Variants in CACNA1H observed in about 807,000 individuals in gnomAD.
CACNA1H encodes the protein voltage-dependent T-type calcium channel subunit alpha-1H.
Under a neutral mutation model 192.5 loss-of-function variants are expected in CACNA1H, and 149 were observed. That is an observed-to-expected ratio of 0.77 (90% CI 0.68 to 0.89). The LOEUF (loss-of-function observed/expected upper bound fraction) is 0.89. CACNA1H is among the 40% of genes least tolerant of loss of function. The pLI is 0.00. For missense variants in CACNA1H, 4,257 were observed against 3,423.5 expected, an observed-to-expected ratio of 1.24 and a Z score of -6.08; for synonymous variants, 2,202 against 1,475.2, an observed-to-expected ratio of 1.49 and a Z score of -11.29.
rs768478489 is a variant in CACNA1H at position 1,212,113 on chromosome 16, G to A, written c.4734G>A (p.Leu1578=). The change falls in exon 25 of 35, where the codon CTG becomes CTA. Residue 1578 remains leucine, a synonymous_variant. Coordinates refer to ENST00000348261, the MANE Select transcript of CACNA1H (RefSeq NM_021098.3). The part of the protein sequence containing the change: ...EEARRREEKR[L]RRLERRRRST... ...CGCGGCGGCGAGAGGAGAAGCGGCT[G>A]CGGCGCCTAGAGAGGAGGCGCAGGA... is the stretch of plus-strand genomic sequence containing the variant. 6.2e-6 allele frequency: 10 copies of A among 1,609,018 alleles called. No homozygotes were observed. The South Asian group carries it at 1.1e-4, about 18-fold the overall frequency.
intron 2 of CACNA1H, among the ~76,000 whole-genome samples, chr16:1,176,836 G>A (rs931398490): frequency 1.3e-5 from 2 of 152,174 alleles, no homozygotes; most frequent in Non-Finnish European, 1.5e-5. Context: ...CTTCCCCCGC[G>A]TCTCTTCACC....
chr16:1,185,377 A>G (rs1196598216), intron 2 of CACNA1H, among the ~76,000 whole-genome samples: 3 of 151,952 alleles, frequency 2.0e-5, no homozygotes, highest in African/African-American at 7.3e-5. Flanking sequence ...ATTGGCGTTC[A>G]TAGCCTCACC....
At chr16:1,215,181 G>A in intron 28 of CACNA1H, 61 bp from the exon 29 acceptor site, 1 of 1,581,152 alleles carries the variant, frequency 6.3e-7, no homozygotes, top group Non-Finnish European at 8.6e-7. Context: ...GTCTGCAGAA[G>A]CAACGCTGCT....
intron 11 of CACNA1H, among the ~76,000 whole-genome samples, chr16:1,205,547 C>T (rs952169038): frequency 3.9e-5 from 6 of 152,194 alleles, no homozygotes; most frequent in Non-Finnish European, 8.8e-5. Context: ...GAGCTGTTTC[C>T]TGCAGGAACA....
chr16:1,208,929 T>C, intron 16 of CACNA1H, 103 bp from the exon 17 acceptor site: 1 of 1,234,868 alleles, frequency 8.1e-7, no homozygotes, highest in Non-Finnish European at 1.1e-6. Context: ...GGGCTATGCA[T>C]TAAATGATCC....
chr16:1,165,742 G>T (rs1280215645), intron 2 of CACNA1H, among the ~76,000 whole-genome samples: 1 of 152,226 alleles, frequency 6.6e-6, no homozygotes, highest in Admixed American at 6.5e-5. Flanking sequence ...CACAGTGCGG[G>T]TGGCTCCCGG....
At chr16:1,176,484 A>G (rs749832362) in intron 2 of CACNA1H, among the ~76,000 whole-genome samples, 55 of 152,170 alleles carry the variant, frequency 3.6e-4, no homozygotes, top group Non-Finnish European at 5.0e-4. Flanking sequence ...TGGGCATGGC[A>G]ATGACCTGTG....
At chr16:1,207,667 C>T in intron 14 of CACNA1H, 103 bp from the exon 15 acceptor site, 2 of 1,099,034 alleles carry the variant, frequency 1.8e-6, no homozygotes, top group African/African-American at 1.6e-5. Flanking sequence ...CTGGGCCCTT[C>T]TGTCCACACC....
At chr16:1,203,357 C>T (rs940546398) in intron 9 of CACNA1H, among the ~76,000 whole-genome samples, 8 of 152,200 alleles carry the variant, frequency 5.3e-5, no homozygotes, top group African/African-American at 7.2e-5. Context: ...TAGCTAACTT[C>T]GCCTGTGTGC....
intron 16 of CACNA1H, among the ~76,000 whole-genome samples, 179 bp downstream of exon 16, chr16:1,208,400 G>A (rs183774595): frequency 6.6e-6 from 1 of 152,158 alleles, no homozygotes; most frequent in Non-Finnish European, 1.5e-5. Context: ...GGCTGCTGTT[G>A]TGTGAGGCCG....
In CACNA1H at chr16:1,220,998, G is replaced by A. The variant is rs764487181; in HGVS notation, c.*4G>A. The A allele has an allele frequency of 1.2e-5, 18 of 1,560,160 alleles. No individual in the cohort carries two copies. The highest frequency in any genetic ancestry group is 2.4e-5 in the South Asian group (2 of 82,944). On this transcript the variant is annotated 3_prime_UTR_variant, in exon 35 of 35. Transcript: ENST00000348261. The stretch of plus-strand genomic sequence containing the variant: ...TGGTGCAGATGACCCCGTGTAGCTC[G>A]GGGCTTGGTGCCGCCCACGGCTTTG...
At chr16:1,197,888 C>A (rs1365693184) in intron 5 of CACNA1H, among the ~76,000 whole-genome samples, 1 of 152,126 alleles carries the variant, frequency 6.6e-6, no homozygotes, top group East Asian at 1.9e-4. Context: ...GCGAGGGGCG[C>A]GTGGGGCTTG....
intron 18 of CACNA1H, 52 bp downstream of exon 18, chr16:1,210,187 C>T: frequency 6.9e-7 from 1 of 1,450,812 alleles, no homozygotes; most frequent in Non-Finnish European, 9.4e-7. Context: ...CCACGGGACC[C>T]CCGCCCCCAG....
intron 2 of CACNA1H, chr16:1,159,578 G>C (rs748086597): frequency 6.6e-6 from 1 of 152,532 alleles, no homozygotes; most frequent in African/African-American, 2.4e-5. Flanking sequence ...CAGGTGGTGG[G>C]CTGGCCTGGG....
intron 14 of CACNA1H, 37 bp downstream of exon 14, chr16:1,207,467 C>A: frequency 6.3e-7 from 1 of 1,597,978 alleles, no homozygotes. Flanking sequence ...AGGAGGAGGG[C>A]GATGAGAAGA....
At chr16:1,163,984 C>T (rs537998988) in intron 2 of CACNA1H, among the ~76,000 whole-genome samples, 1 of 152,304 alleles carries the variant, frequency 6.6e-6, no homozygotes, top group Non-Finnish European at 1.5e-5. Flanking sequence ...CTGGCTCAGC[C>T]GCCCCTGCCC....
intron 11 of CACNA1H, among the ~76,000 whole-genome samples, chr16:1,205,553 G>A (rs545644241): frequency 6.6e-6 from 1 of 152,326 alleles, no homozygotes; most frequent in Non-Finnish European, 1.5e-5. Flanking sequence ...TTTCCTGCAG[G>A]AACAAAGCAG....
intron 25 of CACNA1H, 50 bp from the exon 26 acceptor site, chr16:1,212,461 C>G (rs987314279): frequency 6.4e-7 from 1 of 1,561,958 alleles, no homozygotes; most frequent in Non-Finnish European, 8.8e-7. Flanking sequence ...GGGCTCCAGG[C>G]CCGAGTGCGC....
chr16:1,183,493 C>G (rs923097321), intron 2 of CACNA1H, among the ~76,000 whole-genome samples: 11 of 152,206 alleles, frequency 7.2e-5, no homozygotes, highest in Non-Finnish European at 1.6e-4. Context: ...CTCCTTCAGT[C>G]AGCGCATCCC....
Sources: allele counts gnomAD v4.1 joint callset (sites outside exome capture counted in the v4.1 genomes callset), GRCh38; gene constraint gnomAD v4.1.1; transcripts MANE v1.5; gene names NCBI Gene and HGNC (gene_info 2026-07-23, HGNC 2026-07-21).